Variants in LINGO1 observed in about 807,000 individuals in gnomAD.
LINGO1 encodes the protein leucine rich repeat and Ig domain containing 1, also known as leucine-rich repeat and immunoglobulin-like domain-containing nogo receptor-interacting protein 1.
A neutral mutation model predicts 37.3 loss-of-function variants in LINGO1; 11 were observed. The ratio of observed to expected loss-of-function variants is 0.29; its 90% CI spans 0.19 to 0.49. LINGO1 has a LOEUF of 0.49. LINGO1 is among the 20% of genes least tolerant of loss of function. The pLI is 0.99. For synonymous variants in LINGO1, 387 were observed against 403.0 expected, an observed-to-expected ratio of 0.96 and a Z score of 0.48; for missense variants, 585 against 878.2, an observed-to-expected ratio of 0.67 and a Z score of 4.22.
chr15:77,733,277 G>A (rs79022635), intron 2 of LINGO1, among the ~76,000 whole-genome samples: 23,754 of 152,258 alleles, frequency 0.16, 2,357 homozygotes, highest in Admixed American at 0.3. Flanking sequence ...GTCCAAGTAC[G>A]GAGGAGAGGG....
At chr15:77,753,796 T>C (rs1425624239) in intron 1 of LINGO1, among the ~76,000 whole-genome samples, 4 of 152,192 alleles carry the variant, frequency 2.6e-5, no homozygotes, top group Admixed American at 6.5e-5. Context: ...CTAAACAACG[T>C]ATGGCAGAGC....
chr15:77,648,193 A>C, intron 3 of LINGO1: 1 of 318,208 alleles, frequency 3.1e-6, no homozygotes, highest in South Asian at 2.7e-5. Flanking sequence ...TAATTGTAGT[A>C]TTAACATACA....
chr15:77,703,312 T>G (rs2075807984), intron 2 of LINGO1, among the ~76,000 whole-genome samples: 1 of 152,158 alleles, frequency 6.6e-6, no homozygotes, highest in South Asian at 2.1e-4. Flanking sequence ...AGAGAACAGC[T>G]GGTATAGTGC....
intron 1 of LINGO1, among the ~76,000 whole-genome samples, chr15:77,779,076 G>A (rs547588450): frequency 1.8e-4 from 28 of 152,094 alleles, no homozygotes; most frequent in African/African-American, 1.4e-4. Flanking sequence ...GCTTTGAATG[G>A]TCTCCCCAGG....
At chr15:77,653,663 C>T (rs1420356012) in intron 3 of LINGO1, among the ~76,000 whole-genome samples, 1 of 152,174 alleles carries the variant, frequency 6.6e-6, no homozygotes, top group Non-Finnish European at 1.5e-5. Context: ...CCTTAGCTGC[C>T]ACCATGCCAT....
chr15:77,760,954 T>G, intron 1 of LINGO1, among the ~76,000 whole-genome samples: 2 of 124,566 alleles, frequency 1.6e-5, no homozygotes, highest in Non-Finnish European at 1.6e-5. Flanking sequence ...GGAGACAAGG[T>G]CTCACTCTGT....
chr15:77,773,276 G>A (rs920676048), intron 1 of LINGO1, among the ~76,000 whole-genome samples: 1 of 152,200 alleles, frequency 6.6e-6, no homozygotes, highest in African/African-American at 2.4e-5. Flanking sequence ...GGCTGTGGGG[G>A]AAGAGAGTTG....
At chr15:77,702,965 C>T (rs1034988992) in intron 2 of LINGO1, among the ~76,000 whole-genome samples, 1 of 152,206 alleles carries the variant, frequency 6.6e-6, no homozygotes, top group South Asian at 2.1e-4. Context: ...TGACACAGTC[C>T]GGCCACACAG....
At chr15:77,725,058 C>T (rs1448823604) in intron 2 of LINGO1, among the ~76,000 whole-genome samples, 1 of 152,188 alleles carries the variant, frequency 6.6e-6, no homozygotes, top group Non-Finnish European at 1.5e-5. Flanking sequence ...ACGCCCATAC[C>T]CACCCTTTCC....
intron 1 of LINGO1, among the ~76,000 whole-genome samples, chr15:77,799,805 C>CT (rs57923470): frequency 0.2 from 29,830 of 151,256 alleles, 3,098 homozygotes; most frequent in African/African-American, 0.26. Flanking sequence ...GTTTTGTTTT[C>CT]TTTTTTTTTG....
upstream of LINGO1, among the ~76,000 whole-genome samples, chr15:77,700,616 C>T (rs535500914): frequency 2.0e-5 from 3 of 152,100 alleles, no homozygotes; most frequent in Admixed American, 6.5e-5. Flanking sequence ...CAGCTGCAGG[C>T]GGGGTGGTAG....
chr15:77,786,251 C>T (rs548752220), intron 1 of LINGO1, among the ~76,000 whole-genome samples: 1 of 152,250 alleles, frequency 6.6e-6, no homozygotes, highest in East Asian at 1.9e-4. Context: ...GTTAGTATGC[C>T]ACTTGGGAGG....
At chr15:77,669,748 A>C (rs1421643321) in intron 3 of LINGO1, among the ~76,000 whole-genome samples, 1 of 152,056 alleles carries the variant, frequency 6.6e-6, no homozygotes, top group Non-Finnish European at 1.5e-5. Context: ...AAGTGAGTGA[A>C]GGGGCAAAGA....
intron 1 of LINGO1, among the ~76,000 whole-genome samples, chr15:77,809,957 G>A (rs913912974): frequency 6.6e-6 from 1 of 152,086 alleles, no homozygotes; most frequent in Non-Finnish European, 1.5e-5. Flanking sequence ...GGATCAGGAG[G>A]TGTCCTGATG....
intron 1 of LINGO1, among the ~76,000 whole-genome samples, chr15:77,738,795 G>A (rs951461429): frequency 6.6e-6 from 1 of 151,214 alleles, no homozygotes; most frequent in Non-Finnish European, 1.5e-5. Context: ...AAGGAAGGAA[G>A]GAAGGAAGGA....
At chr15:77,680,428 C>T (rs11856808) in intron 2 of LINGO1, among the ~76,000 whole-genome samples, 63,843 of 152,104 alleles carry the variant, frequency 0.42, 14,520 homozygotes, top group African/African-American at 0.61. Context: ...TGTTAGAACA[C>T]GTTTGGGTGA....
chr15:77,714,461 A>C (rs2075958932), intron 2 of LINGO1, among the ~76,000 whole-genome samples: 1 of 151,676 alleles, frequency 6.6e-6, no homozygotes, highest in Non-Finnish European at 1.5e-5. Flanking sequence ...AAATGCCCTC[A>C]TTTGGCCCTC....
At chr15:77,739,828 T>C (rs1019429476) in intron 1 of LINGO1, among the ~76,000 whole-genome samples, 3 of 152,234 alleles carry the variant, frequency 2.0e-5, no homozygotes, top group African/African-American at 7.2e-5. Flanking sequence ...GTGGCTGGGA[T>C]GGCTGGAACA....
chr15:77,642,961 G>T (rs1354132439), intron 3 of LINGO1, among the ~76,000 whole-genome samples: 1 of 152,212 alleles, frequency 6.6e-6, no homozygotes, highest in African/African-American at 2.4e-5. Context: ...GAGTCAGCAA[G>T]GAAGCTTGTG....
Sources: gnomAD v4.1 joint callset for allele counts (sites outside exome capture counted in the v4.1 genomes callset) on GRCh38, gnomAD v4.1.1 for gene constraint, MANE v1.5 for transcripts, NCBI Gene and HGNC (gene_info 2026-07-23, HGNC 2026-07-21) for gene names.